KCNK10: variants seen among roughly 807,000 people sequenced by gnomAD.
KCNK10 encodes potassium channel subfamily K member 10.
KCNK10 carries 25 observed loss-of-function variants against 47.7 expected under a neutral mutation model. The ratio of observed to expected loss-of-function variants is 0.52; its 90% CI spans 0.38 to 0.73. KCNK10 has a LOEUF of 0.73. Ranked by LOEUF, KCNK10 falls within the 30% of genes least tolerant of loss-of-function variation. KCNK10 has a pLI of 0.00. For missense variants in KCNK10, 563 were observed against 714.5 expected, an observed-to-expected ratio of 0.79 and a Z score of 2.42; for synonymous variants, 303 against 285.6, an observed-to-expected ratio of 1.06 and a Z score of -0.61.
intron 1 of KCNK10, among the ~76,000 whole-genome samples, chr14:88,306,291 G>C (rs1278962320): frequency 6.6e-6 from 1 of 152,064 alleles, no homozygotes; most frequent in Non-Finnish European, 1.5e-5. Flanking sequence ...CTGATTCAGG[G>C]GCCAATTTCC....
intron 4 of KCNK10, among the ~76,000 whole-genome samples, chr14:88,225,293 ATGCATTCATTG>A (rs1335058039): frequency 6.6e-6 from 1 of 152,182 alleles, no homozygotes; most frequent in Non-Finnish European, 1.5e-5. Context: ...TACTCAGCAA[ATGCATTCATTG>A]TGCACTGCCA....
At chr14:88,298,199 T>TC (rs546089819) in intron 1 of KCNK10, among the ~76,000 whole-genome samples, 12 of 152,192 alleles carry the variant, frequency 7.9e-5, no homozygotes, top group Admixed American at 2.0e-4. Context: ...ATTGGCCAGT[T>TC]CCCAGGACAC....
chr14:88,275,391 G>C (rs757685203), intron 1 of KCNK10, among the ~76,000 whole-genome samples: 1 of 152,086 alleles, frequency 6.6e-6, no homozygotes, highest in Non-Finnish European at 1.5e-5. Context: ...CAAGACCCAA[G>C]CCTCCCATTT....
In KCNK10 at chr14:88,255,239, G is replaced by A. The variant is rs186120759; in HGVS notation, c.402+7963C>T. ...TAGTGAGGGGATACTCACCATTGAT[G>A]CAAGTAAGCAGTATGGCACAAGGGT... is the stretch of plus-strand genomic sequence containing the variant. On this transcript the variant is annotated intron_variant, in intron 2 of 6. Transcript: ENST00000319231. 1.2e-4 allele frequency among the ~76,000 whole-genome samples: 18 copies of A among 152,312 alleles called. No individual in the cohort carries two copies. The East Asian group carries it at 2.5e-3, about 21-fold the overall frequency.
chr14:88,296,142 G>C (rs779620682), intron 1 of KCNK10, among the ~76,000 whole-genome samples: 1 of 152,194 alleles, frequency 6.6e-6, no homozygotes, highest in Admixed American at 6.5e-5. Flanking sequence ...CTCTGGCCCT[G>C]TCTGGCTTCT....
intron 2 of KCNK10, among the ~76,000 whole-genome samples, chr14:88,244,235 G>A (rs564813448): frequency 1.3e-5 from 2 of 152,122 alleles, no homozygotes; most frequent in Non-Finnish European, 2.9e-5. Flanking sequence ...ATTTGAATTG[G>A]CAACATCATT....
At chr14:88,301,053 A>C (rs1888082419) in intron 1 of KCNK10, among the ~76,000 whole-genome samples, 1 of 152,220 alleles carries the variant, frequency 6.6e-6, no homozygotes, top group South Asian at 2.1e-4. Context: ...TTATTTACTC[A>C]CATAGCAAAC....
chr14:88,325,602 G>A (rs1404234991), upstream of KCNK10, among the ~76,000 whole-genome samples: 1 of 152,118 alleles, frequency 6.6e-6, no homozygotes, highest in Non-Finnish European at 1.5e-5. Flanking sequence ...ATCCAGTCCC[G>A]GGACCCATGA....
At position 88,202,573 on chromosome 14, in the gene KCNK10, C is replaced by T. The variant is rs142887202; in HGVS notation, c.682-10163G>A. Among the ~76,000 whole-genome samples, 254 of 152,314 alleles carry T rather than the reference C, an allele frequency of 1.7e-3. 2 individuals are homozygous for T. Among genetic ancestry groups the T allele is most frequent in the African/African-American group, 5.8e-3 (240 of 41,574 alleles). ...CATCTAAGAGTCCTCTGTCCTCCGTCCTCCTCTTTCGTCTCACTGGCACCC... is the reference window on the plus strand; with the variant it reads ...CATCTAAGAGTCCTCTGTCCTCCGTTCTCCTCTTTCGTCTCACTGGCACCC... On this transcript the variant is annotated intron_variant, in intron 4 of 6. Coordinates refer to ENST00000319231, the MANE Select transcript of KCNK10 (RefSeq NM_138317.3).
intron 6 of KCNK10, among the ~76,000 whole-genome samples, chr14:88,187,573 T>C (rs1312699241): frequency 6.6e-6 from 1 of 152,092 alleles, no homozygotes; most frequent in Non-Finnish European, 1.5e-5. Context: ...GAAAGATTCT[T>C]GGCGTTCAAC....
Position 88,255,749 on chromosome 14 carries a change from T to G in KCNK10, c.402+7453A>C, listed in dbSNP as rs187846079. Among the ~76,000 whole-genome samples, 10 of 151,424 alleles carry G rather than the reference T, an allele frequency of 6.6e-5. No individual in the cohort carries two copies. The East Asian group carries it at 1.8e-3, about 27-fold the overall frequency. On this transcript the variant is annotated intron_variant, in intron 2 of 6. Transcript: ENST00000319231. ...TGGACCAACCTACCCCCAGAAACGT[T>G]CTGAGGAGGCTGAGGCAGGAGGATT... is the stretch of plus-strand genomic sequence containing the variant.
intron 4 of KCNK10, among the ~76,000 whole-genome samples, chr14:88,222,030 G>T (rs1885827276): frequency 6.6e-6 from 1 of 152,172 alleles, no homozygotes; most frequent in Non-Finnish European, 1.5e-5. Context: ...ATCTGAAACT[G>T]GGAACAAAAA....
chr14:88,234,198 G>C (rs1043617028), intron 3 of KCNK10, among the ~76,000 whole-genome samples: 2 of 152,188 alleles, frequency 1.3e-5, no homozygotes, highest in African/African-American at 4.8e-5. Flanking sequence ...TGAGTCTGTG[G>C]ATTAAGCTGA....
intron 2 of KCNK10, among the ~76,000 whole-genome samples, chr14:88,241,229 T>G: frequency 6.6e-6 from 1 of 152,218 alleles, no homozygotes; most frequent in East Asian, 1.9e-4. Context: ...TGTAAGAATG[T>G]TTTACGTTGA....
chr14:88,199,139 T>C (rs1487723145), intron 4 of KCNK10, among the ~76,000 whole-genome samples: 1 of 152,056 alleles, frequency 6.6e-6, no homozygotes, highest in African/African-American at 2.4e-5. Flanking sequence ...ATGCTGGTCT[T>C]GAACTCCTGA....
At chr14:88,268,677 A>G in intron 1 of KCNK10, among the ~76,000 whole-genome samples, 1 of 152,236 alleles carries the variant, frequency 6.6e-6, no homozygotes, top group Non-Finnish European at 1.5e-5. Flanking sequence ...TTCAGTTTCC[A>G]AACAGCAGTG....
At chr14:88,318,783 C>T (rs1437977502) in intron 1 of KCNK10, among the ~76,000 whole-genome samples, 1 of 152,106 alleles carries the variant, frequency 6.6e-6, no homozygotes, top group African/African-American at 2.4e-5. Context: ...GGAAGCGAAA[C>T]CCAGAAAAGC....
In KCNK10 at chr14:88,231,395, C is replaced by T. The variant is rs1009851541; in HGVS notation, c.521-3860G>A. ...TTAAATGAGGCTGCCAGGCTAGTGA[C>T]GCAGTGACTGGCTACCACCTGGTCC... On this transcript the variant is annotated intron_variant, in intron 3 of 6. Transcript: ENST00000319231. 3.3e-5 allele frequency among the ~76,000 whole-genome samples: 5 copies of T among 152,186 alleles called. No individual in the cohort carries two copies. In the East Asian group the frequency reaches 5.8e-4, roughly 18 times the overall value.
chr14:88,226,406 A>C (rs1885988890), intron 4 of KCNK10, among the ~76,000 whole-genome samples: 1 of 152,184 alleles, frequency 6.6e-6, no homozygotes, highest in Non-Finnish European at 1.5e-5. Flanking sequence ...AGGGGGAAAA[A>C]AGCACAGCTT....
Sources: allele counts gnomAD v4.1 joint callset (sites outside exome capture counted in the v4.1 genomes callset), GRCh38; gene constraint gnomAD v4.1.1; transcripts MANE v1.5; gene names NCBI Gene and HGNC (gene_info 2026-07-23, HGNC 2026-07-21).